The following SETD1A variants were observed in gnomAD, a reference collection of about 807,000 sequenced individuals.
SETD1A encodes the protein histone-lysine N-methyltransferase SETD1A.
A neutral mutation model predicts 149.9 loss-of-function variants in SETD1A; 29 were observed. That is an observed-to-expected ratio of 0.19 (90% CI 0.14 to 0.26). SETD1A has a LOEUF of 0.26. Among genes scored for constraint, SETD1A ranks in the 10% least tolerant of loss-of-function variants. SETD1A has a pLI of 1.00. For synonymous variants in SETD1A, 1,141 were observed against 968.5 expected (o/e 1.18, Z -3.31); for missense variants, 2,109 against 2,353.1 (o/e 0.90, Z 2.15).
At chr16:30,976,030 G>A (rs1449861430) in intron 13 of SETD1A, among the ~76,000 whole-genome samples, 1 of 143,236 alleles carries the variant, frequency 7.0e-6, no homozygotes, top group Non-Finnish European at 1.5e-5. Context: ...GGAGATGGGG[G>A]TGTTGTGCCT....
In SETD1A at chr16:30,965,968, G is replaced by T. The variant is rs763466951; in HGVS notation, c.2087G>T (p.Gly696Val). ...MLTRLHQLRQ[G>V]KGLIAASAGP... The stretch of plus-strand genomic sequence containing the variant: ...ACTCGGCTCCATCAGCTGCGGCAGG[G>T]CAAGGGATTGATTGCCGCCTCAGCT... Residue 696 changes from glycine (G) to valine (V), a missense_variant, in exon 8 of 19, where the codon GGC (glycine) becomes GTC (valine). Around this residue, in one of 8 missense-constraint regions of SETD1A, gnomAD observed 431 missense variants for 388.6 expected, o/e 1.11. Transcript: ENST00000262519. 1.1e-5 allele frequency: 17 copies of T among 1,596,916 alleles called. No homozygotes were observed. Among genetic ancestry groups the T allele is most frequent in the Non-Finnish European group, 1.5e-5 (17 of 1,170,834 alleles).
intron 3 of SETD1A, among the ~76,000 whole-genome samples, chr16:30,960,730 C>CTTTTTTTTT (rs71374043): frequency 4.9e-3 from 391 of 80,552 alleles, no homozygotes; most frequent in East Asian, 0.012. Flanking sequence ...TTCTTTCTTT[C>CTTTTTTTTT]TTTTTTTTTT....
intron 3 of SETD1A, among the ~76,000 whole-genome samples, chr16:30,960,020 C>A (rs1251717204): frequency 6.6e-6 from 1 of 152,180 alleles, no homozygotes; most frequent in Non-Finnish European, 1.5e-5. Context: ...AGCTGTACAG[C>A]CTGGCAGCCT....
Position 30,964,339 on chromosome 16 carries a change from C to A in SETD1A, c.869+16C>A. ...ACTCCAGCAGGTACAGAGCAGACCC[C>A]GCCTGGGGCCCCGCCCGCAAAGTCT... is the stretch of plus-strand genomic sequence containing the variant. On this transcript the variant is annotated intron_variant, in intron 6 of 18. Coordinates refer to ENST00000262519, the MANE Select transcript of SETD1A (RefSeq NM_014712.3). 2 of 1,599,128 alleles carry A rather than the reference C, an allele frequency of 1.3e-6. No individual in the cohort carries two copies. Among genetic ancestry groups the A allele is most frequent in the Non-Finnish European group, 1.7e-6 (2 of 1,168,076 alleles).
At position 30,965,667 on chromosome 16, in the gene SETD1A, C is replaced by T. The variant is rs768500074; in HGVS notation, c.1786C>T (p.Pro596Ser). 6.2e-7 allele frequency: 1 copy of T among 1,611,246 alleles called. No individual in the cohort carries two copies. The highest frequency in any genetic ancestry group is 8.5e-7 in the Non-Finnish European group (1 of 1,178,994). ...CGACGACCGGGGTGGCTCACCCCCT[C>T]CGGCCCCGACGCCCCCTCAGCAGCC... Reference protein sequence around the residue: ...SDDDRGGSPPPAPTPPQQPPP... With the variant: ...SDDDRGGSPPSAPTPPQQPPP... Residue 596 changes from proline (P) to serine (S), a missense_variant, in exon 8 of 19, where the codon CCG becomes TCG. By Grantham distance (74) the Pro-to-Ser change is moderately conservative. Around this residue, in one of 8 missense-constraint regions of SETD1A, gnomAD observed 431 missense variants for 388.6 expected, o/e 1.11. Transcript: ENST00000262519.
rs150802841 is a variant in SETD1A at position 30,965,985 on chromosome 16, G to C, written c.2104G>C (p.Ala702Pro). ...GCGGCAGGGCAAGGGATTGATTGCC[G>C]CCTCAGCTGGCCCCCCCGGTGGGGC... ...QLRQGKGLIA[A>P]SAGPPGGAFG... Residue 702 changes from alanine (A) to proline (P), a missense_variant, in exon 8 of 19, where the codon GCC becomes CCC. Ala to Pro is a conservative substitution (Grantham distance 27, BLOSUM62 -1). Transcript: ENST00000262519. 46 of 1,580,618 alleles carry C rather than the reference G, an allele frequency of 2.9e-5. No individual in the cohort carries two copies. In the African/African-American group the frequency reaches 4.7e-4, roughly 16 times the overall value.
intron 13 of SETD1A, among the ~76,000 whole-genome samples, chr16:30,977,781 C>G (rs2056302173): frequency 6.6e-6 from 1 of 152,324 alleles, no homozygotes; most frequent in East Asian, 1.9e-4. Flanking sequence ...GTGCGGTGGA[C>G]TCAGGTGAAT....
rs112385948 is a variant in SETD1A, at chr16:30,979,998, G to A, written c.4212G>A (p.Pro1404=). ...LRSHARRRRP[P]PPPPPPPPRA... is the part of the protein sequence containing the mutation. ...CCCACGCCCGGCGCCGCCGCCCTCCGCCCCCACCCCCGCCGCCACCGCCCC... is the reference window on the plus strand; with the variant it reads ...CCCACGCCCGGCGCCGCCGCCCTCCACCCCCACCCCCGCCGCCACCGCCCC... Residue 1404 remains proline (P), a synonymous_variant, in exon 14 of 19, where the codon CCG becomes CCA. Transcript: ENST00000262519. 259 of 482,784 alleles carry A rather than the reference G, an allele frequency of 5.4e-4. No homozygotes were observed. The highest frequency in any genetic ancestry group is 1.4e-3 in the Middle Eastern group (2 of 1,432). 29.9% of individuals were successfully genotyped at this position (482,784 alleles called of 1,614,324 possible). A position where few individuals can be genotyped will look rare whatever the true frequency, so the allele number is the denominator to read the frequency against.
intron 17 of SETD1A, among the ~76,000 whole-genome samples, chr16:30,982,914 G>T (rs1243971150): frequency 6.6e-6 from 1 of 152,196 alleles, no homozygotes; most frequent in Non-Finnish European, 1.5e-5. Context: ...TGAGATGGGT[G>T]TGAGGAGGAA....
Position 30,980,085 on chromosome 16 carries a change from G to C in SETD1A, c.4299G>C (p.Ser1433=), listed in dbSNP as rs544726552. Residue 1433 remains serine (S), a synonymous_variant, in exon 14 of 19, where the codon TCG becomes TCC. Coordinates refer to ENST00000262519, the MANE Select transcript of SETD1A (RefSeq NM_014712.3). The surrounding 1 kb of genome is among the most constrained non-coding windows in gnomAD (Gnocchi z 7.7). ...QMTILYDIWN[S]GLDSEDMSYL... is the part of the protein sequence containing the mutation. Reference sequence around the variant, plus strand: ...CCATCCTGTATGACATTTGGAACTCGGGCCTGGACTCAGAGGACATGAGTT... The same window carrying C: ...CCATCCTGTATGACATTTGGAACTCCGGCCTGGACTCAGAGGACATGAGTT... 6.2e-7 allele frequency: 1 copy of C among 1,608,722 alleles called. No homozygotes were observed. The highest frequency in any genetic ancestry group is 1.7e-5 in the Admixed American group (1 of 59,666).
At chr16:30,982,124 C>T (rs982440042) in intron 17 of SETD1A, among the ~76,000 whole-genome samples, 2 of 152,108 alleles carry the variant, frequency 1.3e-5, no homozygotes, top group Non-Finnish European at 2.9e-5. Flanking sequence ...AGTGTGTGTG[C>T]GCTTGGTTGC....
chr16:30,959,407 C>A (rs918210364), intron 3 of SETD1A, among the ~76,000 whole-genome samples: 2 of 152,092 alleles, frequency 1.3e-5, no homozygotes, highest in Admixed American at 1.3e-4. Context: ...GCTGGGGTGT[C>A]GACTTCTTGA....
At position 30,966,977 on chromosome 16, in the gene SETD1A, G is replaced by A. The variant is rs1464388823; in HGVS notation, c.2599G>A (p.Ala867Thr). The A allele has an allele frequency of 1.3e-6, 2 of 1,592,596 alleles. No homozygotes were observed. Among genetic ancestry groups the A allele is most frequent in the East Asian group, 2.3e-5 (1 of 44,094 alleles). ...EPGLLSLVDW[A>T]KSGGTTGIEA... ...TGGCCTGCTGTCCCTCGTGGACTGG[G>A]CCAAGAGCGGGGGCACTACGGGCAT... is the stretch of plus-strand genomic sequence containing the variant. Residue 867 changes from alanine (A) to threonine (T), a missense_variant, in exon 9 of 19, where the codon GCC (alanine) becomes ACC (threonine). Ala to Thr is a moderately conservative substitution (Grantham distance 58). Coordinates refer to ENST00000262519, the MANE Select transcript of SETD1A (RefSeq NM_014712.3).
intron 5 of SETD1A, among the ~76,000 whole-genome samples, chr16:30,963,832 A>G (rs1273133717): frequency 6.6e-6 from 1 of 152,068 alleles, no homozygotes; most frequent in Non-Finnish European, 1.5e-5. Flanking sequence ...CTCTACTAAA[A>G]CTGCAAAAAA....
intron 13 of SETD1A, among the ~76,000 whole-genome samples, chr16:30,977,934 C>T (rs1273810718): frequency 6.6e-6 from 1 of 152,186 alleles, no homozygotes; most frequent in East Asian, 1.9e-4. Context: ...CTTGTTCTGT[C>T]ATCTGGTAAC....
At chr16:30,965,500 G>C in intron 7 of SETD1A, 39 bp downstream of exon 7, 2 of 1,582,242 alleles carry the variant, frequency 1.3e-6, no homozygotes, top group South Asian at 2.3e-5. Context: ...CCTGGGCTCT[G>C]GGAGTCAGGG....
At chr16:30,971,963 T>C (rs2056231374) in intron 13 of SETD1A, among the ~76,000 whole-genome samples, 1 of 152,238 alleles carries the variant, frequency 6.6e-6, no homozygotes, top group African/African-American at 2.4e-5. Flanking sequence ...TGGGTTGGTC[T>C]CTTCTCAAGT....
intron 3 of SETD1A, among the ~76,000 whole-genome samples, chr16:30,960,902 A>C (rs2056044119): frequency 6.6e-6 from 1 of 150,982 alleles, no homozygotes; most frequent in Non-Finnish European, 1.5e-5. Context: ...CATCCAGCTA[A>C]ATTTTTTTTT....
chr16:30,968,173 G>A lies in SETD1A; in HGVS notation c.2770+585G>A, dbSNP rs532878487. ...TAATCCCAGCACTTCCAGAGGCTGA[G>A]GCAGGAGGATCACCTGAGGTCAGAA... On this transcript the variant is annotated intron_variant, in intron 10 of 18. Transcript: ENST00000262519. Among the ~76,000 whole-genome samples, 6 of 152,300 alleles carry A rather than the reference G, an allele frequency of 3.9e-5. No homozygotes were observed. In the South Asian group the frequency reaches 1.2e-3, roughly 32 times the overall value.
Sources: allele counts gnomAD v4.1 joint callset (sites outside exome capture counted in the v4.1 genomes callset), GRCh38; gene constraint gnomAD v4.1.1; regional missense constraint gnomAD v4.1.1; non-coding constraint Gnocchi (gnomAD v3.1); transcripts MANE v1.5; gene names NCBI Gene and HGNC (gene_info 2026-07-23, HGNC 2026-07-21).